RAB3C: variants seen among roughly 807,000 people sequenced by gnomAD.
The protein encoded by RAB3C is RAB3C, member RAS oncogene family, also known as ras-related protein Rab-3C.
RAB3C carries 17 observed loss-of-function variants against 26.4 expected under a neutral mutation model. That is an observed-to-expected ratio of 0.64 (90% confidence interval 0.44 to 0.97). The LOEUF is 0.97. Among genes scored for constraint, RAB3C ranks in the 50% least tolerant of loss-of-function variants. The pLI is 0.00. For missense variants in RAB3C, 242 were observed against 281.9 expected (o/e 0.86, Z 1.01); for synonymous variants, 91 against 95.9 (o/e 0.95, Z 0.30).
chr5:58,851,408 G>A lies in RAB3C; in HGVS notation c.*57G>A. On this transcript the variant is annotated 3_prime_UTR_variant, in exon 5 of 5. Transcript: ENST00000282878. The stretch of plus-strand genomic sequence containing the variant: ...CTCTGGTTGCCAACAAACAGCATTT[G>A]TAAATGGTCTATTAGCCTTCATTTA... 7.2e-7 allele frequency: 1 copy of A among 1,394,158 alleles called. No individual in the cohort carries two copies. Among genetic ancestry groups the A allele is most frequent in the Non-Finnish European group, 9.8e-7 (1 of 1,024,708 alleles). 86.4% of individuals were successfully genotyped at this position (1,394,158 alleles called of 1,614,324 possible). A position where few individuals can be genotyped will look rare whatever the true frequency, so the allele number is the denominator to read the frequency against.
At chr5:58,734,174 A>C (rs1741087588) in intron 3 of RAB3C, among the ~76,000 whole-genome samples, 1 of 152,174 alleles carries the variant, frequency 6.6e-6, no homozygotes, top group East Asian at 1.9e-4. Context: ...TGAAACTAGA[A>C]TGAAATTTCA....
At chr5:58,658,438 T>C (rs974472166) in intron 2 of RAB3C, among the ~76,000 whole-genome samples, 3 of 152,208 alleles carry the variant, frequency 2.0e-5, no homozygotes, top group African/African-American at 7.2e-5. Context: ...TGGGAAAGGA[T>C]TGTGGTTTAG....
chr5:58,586,526 A>T (rs1746011277), intron 1 of RAB3C, among the ~76,000 whole-genome samples: 1 of 152,158 alleles, frequency 6.6e-6, no homozygotes, highest in Admixed American at 6.5e-5. Flanking sequence ...GCAATGTTTT[A>T]AAAATGGTTT....
chr5:58,764,640 C>G (rs374491104), intron 3 of RAB3C, among the ~76,000 whole-genome samples: 29 of 152,222 alleles, frequency 1.9e-4, no homozygotes, highest in East Asian at 1.7e-3. Flanking sequence ...TTTAAATGAG[C>G]ATAAAATTTA....
chr5:58,599,514 T>C (rs968065355), intron 1 of RAB3C, among the ~76,000 whole-genome samples: 4 of 152,140 alleles, frequency 2.6e-5, no homozygotes, highest in Admixed American at 6.5e-5. Flanking sequence ...CTCTGTGTTC[T>C]GGGGTTCTCC....
intron 1 of RAB3C, among the ~76,000 whole-genome samples, chr5:58,584,709 T>C (rs150516210): frequency 1.3e-5 from 2 of 152,228 alleles, no homozygotes; most frequent in Non-Finnish European, 2.9e-5. Flanking sequence ...ATTTACACAA[T>C]AAAAAAGATT....
At chr5:58,607,524 C>A (rs574732991) in intron 1 of RAB3C, among the ~76,000 whole-genome samples, 27 of 152,154 alleles carry the variant, frequency 1.8e-4, no homozygotes, top group Non-Finnish European at 3.5e-4. Flanking sequence ...CCCAACCTAG[C>A]AAGGCAGGCC....
chr5:58,615,507 TG>T (rs563434790), intron 1 of RAB3C, among the ~76,000 whole-genome samples: 73 of 152,280 alleles, frequency 4.8e-4, no homozygotes, highest in African/African-American at 1.7e-3. Context: ...ACTGGCTTTC[TG>T]GGGGACCAGA....
At chr5:58,669,168 A>T (rs746383715) in intron 2 of RAB3C, among the ~76,000 whole-genome samples, 179 of 152,260 alleles carry the variant, frequency 1.2e-3, no homozygotes, top group Non-Finnish European at 1.5e-3. Flanking sequence ...ATTTAGCCAT[A>T]GCAATTTCCC....
rs1032997089 is a variant in RAB3C, at chr5:58,604,465, C to T, written c.25-13178C>T. On this transcript the variant is annotated intron_variant, in intron 1 of 4. Transcript: ENST00000282878. Reference sequence around the variant, plus strand: ...GACTAGGCCTGTCTGAGCTCAGACTCTCTTTGAGTGGGTCTTGCTTCAGCT... The same window carrying T: ...GACTAGGCCTGTCTGAGCTCAGACTTTCTTTGAGTGGGTCTTGCTTCAGCT... 1.8e-4 allele frequency among the ~76,000 whole-genome samples: 27 copies of T among 152,254 alleles called. 1 individual carries two copies. In the South Asian group the frequency reaches 4.4e-3, roughly 25 times the overall value.
At position 58,616,251 on chromosome 5, in the gene RAB3C, T is replaced by A. The variant is rs1009185323; in HGVS notation, c.25-1392T>A. 4.6e-5 allele frequency among the ~76,000 whole-genome samples: 7 copies of A among 152,204 alleles called. No homozygotes were observed. The East Asian group carries it at 1.3e-3, about 29-fold the overall frequency. On this transcript the variant is annotated intron_variant, in intron 1 of 4. Coordinates refer to ENST00000282878, the MANE Select transcript of RAB3C (RefSeq NM_138453.4). ...TTTGCACTGTCCAGTATAGTAGCCA[T>A]TAGTCATATGCTGCTATTTTGCACT...
At chr5:58,588,498 T>C (rs1746059277) in intron 1 of RAB3C, among the ~76,000 whole-genome samples, 1 of 152,234 alleles carries the variant, frequency 6.6e-6, no homozygotes, top group African/African-American at 2.4e-5. Flanking sequence ...TGGCCACTTA[T>C]ATATCTTCCC....
At chr5:58,729,233 T>G (rs563064599) in intron 3 of RAB3C, among the ~76,000 whole-genome samples, 1 of 152,162 alleles carries the variant, frequency 6.6e-6, no homozygotes, top group Admixed American at 6.6e-5. Context: ...TATGCACTCT[T>G]ATTTTTTTCT....
At chr5:58,737,263 C>T (rs990077411) in intron 3 of RAB3C, among the ~76,000 whole-genome samples, 5 of 151,648 alleles carry the variant, frequency 3.3e-5, no homozygotes, top group South Asian at 2.1e-4. Flanking sequence ...TTCATGTCTT[C>T]GCTGTAATGT....
intron 1 of RAB3C, among the ~76,000 whole-genome samples, chr5:58,584,711 A>G (rs1197921894): frequency 1.3e-5 from 2 of 152,166 alleles, no homozygotes; most frequent in Admixed American, 6.5e-5. Context: ...TTACACAATA[A>G]AAAAGATTTC....
At chr5:58,764,727 C>T (rs989325002) in intron 3 of RAB3C, among the ~76,000 whole-genome samples, 7 of 152,086 alleles carry the variant, frequency 4.6e-5, no homozygotes, top group Non-Finnish European at 8.8e-5. Context: ...AAAAATCTGC[C>T]GATAATAACT....
At chr5:58,666,110 C>T (rs904227951) in intron 2 of RAB3C, among the ~76,000 whole-genome samples, 1 of 152,132 alleles carries the variant, frequency 6.6e-6, no homozygotes, top group East Asian at 1.9e-4. Context: ...TTGCTTCTGG[C>T]AGGTTCCAAC....
chr5:58,778,393 A>C (rs1742196495), intron 3 of RAB3C, among the ~76,000 whole-genome samples: 1 of 152,108 alleles, frequency 6.6e-6, no homozygotes. Flanking sequence ...GAGAGGAACC[A>C]TTTTGTTGGT....
intron 3 of RAB3C, among the ~76,000 whole-genome samples, chr5:58,744,461 G>A (rs1561307651): frequency 1.3e-5 from 2 of 152,200 alleles, no homozygotes; most frequent in Admixed American, 1.3e-4. Flanking sequence ...CATCGGCAGT[G>A]TATGACATCT....
Sources: gnomAD v4.1 joint callset for allele counts (sites outside exome capture counted in the v4.1 genomes callset) on GRCh38, gnomAD v4.1.1 for gene constraint, MANE v1.5 for transcripts, NCBI Gene and HGNC (gene_info 2026-07-23, HGNC 2026-07-21) for gene names.